Variants in HCRTR2 observed in about 807,000 individuals in gnomAD.
HCRTR2 encodes the protein orexin receptor type 2.
In HCRTR2, 22 loss-of-function variants were observed where a neutral mutation model predicts 49.0. The observed-to-expected ratio is 0.45, with a 90% confidence interval of 0.32 to 0.64. The LOEUF is 0.64. Ranked by LOEUF, HCRTR2 falls within the 30% of genes least tolerant of loss-of-function variation. The probability of loss-of-function intolerance (pLI) is 0.04; values close to 1 mark genes in which losing one functional copy is unlikely to be tolerated. For synonymous variants in HCRTR2, 236 were observed against 205.3 expected, an observed-to-expected ratio of 1.15 and a Z score of -1.28; for missense variants, 491 against 559.4, an observed-to-expected ratio of 0.88 and a Z score of 1.23.
At chr6:55,274,903 A>G (rs1038109592) in intron 4 of HCRTR2, among the ~76,000 whole-genome samples, 2 of 152,162 alleles carry the variant, frequency 1.3e-5, no homozygotes, top group Non-Finnish European at 2.9e-5. Context: ...AGTCTGAACA[A>G]GATTGGAATT....
intron 1 of HCRTR2, among the ~76,000 whole-genome samples, chr6:55,165,653 C>T (rs1245942039): frequency 6.7e-6 from 1 of 149,674 alleles, no homozygotes; most frequent in Non-Finnish European, 1.5e-5. Flanking sequence ...TTTTTTGCAT[C>T]GTAGAATACT....
chr6:55,126,172 G>A lies in HCRTR2; in HGVS notation c.-378+19627G>A, dbSNP rs114066918. Among the ~76,000 whole-genome samples, 1,448 of 152,250 alleles carry A rather than the reference G, an allele frequency of 9.5e-3. 23 individuals carry two copies. The highest frequency in any genetic ancestry group is 0.033 in the African/African-American group (1,358 of 41,544). On this transcript the variant is annotated intron_variant, in intron 1 of 7. Coordinates refer to the HCRTR2 transcript ENST00000615358. The stretch of plus-strand genomic sequence containing the variant: ...TTTGTTCCCTTGCTGGTGAAGAGAT[G>A]TGATCTTTTGGAGGAGAAGAGGTGC...
downstream of HCRTR2, among the ~76,000 whole-genome samples, chr6:55,284,433 G>T (rs549312120): frequency 2.4e-3 from 359 of 152,248 alleles, no homozygotes; most frequent in Middle Eastern, 6.8e-3. Flanking sequence ...CTTTAGGGGT[G>T]ATAGCCCAAA....
chr6:55,214,083 C>A (rs533279747), intron 1 of HCRTR2, among the ~76,000 whole-genome samples: 3 of 152,140 alleles, frequency 2.0e-5, no homozygotes, highest in African/African-American at 7.2e-5. Flanking sequence ...GAGAGCTAGG[C>A]AACTTTCAGC....
intron 1 of HCRTR2, among the ~76,000 whole-genome samples, chr6:55,225,118 A>G (rs1765977123): frequency 6.6e-6 from 1 of 152,158 alleles, no homozygotes; most frequent in African/African-American, 2.4e-5. Context: ...CATGACAAAT[A>G]TATACAATTT....
At chr6:55,120,113 C>A (rs1158609186) in intron 1 of HCRTR2, among the ~76,000 whole-genome samples, 1 of 152,112 alleles carries the variant, frequency 6.6e-6, no homozygotes, top group Admixed American at 6.6e-5. Flanking sequence ...GGCCTCTATT[C>A]TGTTCCATTG....
chr6:55,238,221 C>G (rs140876030), intron 1 of HCRTR2, among the ~76,000 whole-genome samples: 305 of 152,180 alleles, frequency 2.0e-3, no homozygotes, highest in African/African-American at 7.0e-3. Context: ...AAGCAATATA[C>G]CTGCTAATCA....
chr6:55,129,936 A>T (rs1437024103), intron 1 of HCRTR2, among the ~76,000 whole-genome samples: 2 of 151,804 alleles, frequency 1.3e-5, no homozygotes, highest in East Asian at 3.9e-4. Context: ...CTTTTCCCTT[A>T]CTTTGTATTT....
At chr6:55,178,698 G>C (rs1427378630) in intron 1 of HCRTR2, among the ~76,000 whole-genome samples, 1 of 152,138 alleles carries the variant, frequency 6.6e-6, no homozygotes, top group Non-Finnish European at 1.5e-5. Flanking sequence ...CCTAAAAGGT[G>C]TGAATAAAAT....
intron 1 of HCRTR2, among the ~76,000 whole-genome samples, chr6:55,160,323 G>C (rs1764788291): frequency 6.6e-6 from 1 of 152,100 alleles, no homozygotes; most frequent in Non-Finnish European, 1.5e-5. Flanking sequence ...CCTTACAAGA[G>C]CTCCCGAAGG....
chr6:55,125,841 C>T (rs771154954), intron 1 of HCRTR2, among the ~76,000 whole-genome samples: 2 of 151,552 alleles, frequency 1.3e-5, no homozygotes, highest in Non-Finnish European at 2.9e-5. Context: ...CAAATCTTGT[C>T]TTCTCACTTT....
intron 1 of HCRTR2, among the ~76,000 whole-genome samples, chr6:55,175,505 G>T (rs1765023963): frequency 6.6e-6 from 1 of 151,940 alleles, no homozygotes; most frequent in Admixed American, 6.6e-5. Context: ...CATCCATTCA[G>T]CCAAATATTT....
intron 1 of HCRTR2, among the ~76,000 whole-genome samples, chr6:55,123,704 C>T (rs1435418940): frequency 6.6e-6 from 1 of 152,180 alleles, no homozygotes; most frequent in Non-Finnish European, 1.5e-5. Context: ...AGGAATCCTA[C>T]CAGCTCCTTT....
intron 3 of HCRTR2, among the ~76,000 whole-genome samples, chr6:55,257,433 AT>A (rs1156379006): frequency 6.6e-6 from 1 of 152,008 alleles, no homozygotes; most frequent in African/African-American, 2.4e-5. Flanking sequence ...ATATAAAAAT[AT>A]TTTTCAATAT....
chr6:55,122,728 C>T (rs1018351711), intron 1 of HCRTR2, among the ~76,000 whole-genome samples: 1 of 151,994 alleles, frequency 6.6e-6, no homozygotes, highest in Non-Finnish European at 1.5e-5. Flanking sequence ...AAATGTCCAA[C>T]AATGATAGAC....
At chr6:55,158,338 C>G (rs528969189) in intron 1 of HCRTR2, among the ~76,000 whole-genome samples, 3 of 152,212 alleles carry the variant, frequency 2.0e-5, no homozygotes, top group Non-Finnish European at 4.4e-5. Flanking sequence ...CGGGTGCCTA[C>G]ACCACCAGGG....
intron 1 of HCRTR2, among the ~76,000 whole-genome samples, chr6:55,227,180 C>T (rs1766025094): frequency 6.6e-6 from 1 of 151,920 alleles, no homozygotes; most frequent in African/African-American, 2.4e-5. Flanking sequence ...AAGATTTAAG[C>T]ACCTAGCCAA....
chr6:55,182,895 A>T (rs906575442), intron 1 of HCRTR2, among the ~76,000 whole-genome samples: 7 of 152,242 alleles, frequency 4.6e-5, no homozygotes, highest in East Asian at 1.9e-4. Context: ...TCTCTGTCAC[A>T]GAATCTATAT....
At chr6:55,118,217 T>C (rs1764146937) in intron 1 of HCRTR2, among the ~76,000 whole-genome samples, 1 of 151,836 alleles carries the variant, frequency 6.6e-6, no homozygotes, top group Non-Finnish European at 1.5e-5. Flanking sequence ...CATGTTCCTA[T>C]AAAGGATATG....
Sources: allele counts gnomAD v4.1 joint callset (sites outside exome capture counted in the v4.1 genomes callset), GRCh38; gene constraint gnomAD v4.1.1; transcripts MANE v1.5; gene names NCBI Gene and HGNC (gene_info 2026-07-23, HGNC 2026-07-21).